The following SENP6 variants were observed in gnomAD, a reference collection of about 807,000 sequenced individuals.
SENP6 encodes the protein sentrin-specific protease 6.
A neutral mutation model predicts 134.5 loss-of-function variants in SENP6; 41 were observed. The ratio of observed to expected loss-of-function variants is 0.30; its 90% CI spans 0.24 to 0.40. The LOEUF (loss-of-function observed/expected upper bound fraction) is 0.40. SENP6 is among the 10% of genes least tolerant of loss of function. The pLI is 1.00. For missense variants in SENP6, 1,248 were observed against 1,312.5 expected (o/e 0.95, Z 0.76); for synonymous variants, 395 against 429.8 (o/e 0.92, Z 1.00).
chr6:75,687,237 T>C (rs1407200658), intron 16 of SENP6, among the ~76,000 whole-genome samples: 1 of 152,250 alleles, frequency 6.6e-6, no homozygotes, highest in African/African-American at 2.4e-5. Context: ...GCAATGGTTA[T>C]CAGCTCCATC....
At chr6:75,638,604 ATATATATATATATATATATTTTTTTT>A (rs1201040557) in intron 5 of SENP6, among the ~76,000 whole-genome samples, 7 of 42,822 alleles carry the variant, frequency 1.6e-4, no homozygotes, top group African/African-American at 4.8e-4. Flanking sequence ...ATATATATAT[ATATATATATATATATATATTTTTTTT>A]TTTTTTTTTT....
Position 75,670,699 on chromosome 6 carries a change from G to A in SENP6, c.1371G>A (p.Arg457=). 1 of 1,609,476 alleles carries A rather than the reference G, an allele frequency of 6.2e-7. No individual in the cohort carries two copies. Among genetic ancestry groups the A allele is most frequent in the South Asian group, 1.1e-5 (1 of 90,488 alleles). ...CRSIRVGTLF[R]LLIEPVIFCL... is the part of the protein sequence containing the mutation. ...GTATACGAGTAGGAACACTCTTCCG[G>A]CTGTTAATAGAGCCTGTAATTGTAA... is the stretch of plus-strand genomic sequence containing the variant. Residue 457 remains arginine, a synonymous_variant, in exon 11 of 24, where the codon CGG becomes CGA. Transcript: ENST00000447266.
At chr6:75,688,314 C>A (rs1773993843) in intron 16 of SENP6, among the ~76,000 whole-genome samples, 2 of 152,178 alleles carry the variant, frequency 1.3e-5, no homozygotes, top group Admixed American at 1.3e-4. Context: ...CTTCCCTTGG[C>A]TAGGAAAGGG....
At chr6:75,663,822 G>GT (rs1491463005) in intron 9 of SENP6, among the ~76,000 whole-genome samples, 13 of 25,440 alleles carry the variant, frequency 5.1e-4, no homozygotes, top group East Asian at 7.2e-3. Flanking sequence ...TTTTTTTTGT[G>GT]GGGGGGGGGG....
intron 21 of SENP6, among the ~76,000 whole-genome samples, chr6:75,712,250 T>G (rs901120487): frequency 1.3e-5 from 2 of 152,226 alleles, no homozygotes; most frequent in African/African-American, 2.4e-5. Context: ...TAATCTCCTT[T>G]GACTTTTTTT....
intron 19 of SENP6, among the ~76,000 whole-genome samples, chr6:75,708,663 G>A (rs1775565734): frequency 6.6e-6 from 1 of 152,160 alleles, no homozygotes; most frequent in African/African-American, 2.4e-5. Context: ...GGGAGGCCGA[G>A]GCAGGTGGAT....
intron 3 of SENP6, among the ~76,000 whole-genome samples, chr6:75,624,170 T>C (rs1290373940): frequency 2.0e-5 from 3 of 152,154 alleles, no homozygotes; most frequent in African/African-American, 4.8e-5. Context: ...TGTTACACAA[T>C]TGGTAATATA....
intron 5 of SENP6, among the ~76,000 whole-genome samples, chr6:75,640,158 G>A (rs1769914389): frequency 6.6e-6 from 1 of 152,206 alleles, no homozygotes; most frequent in South Asian, 2.1e-4. Flanking sequence ...CTTCTGCTAT[G>A]TAGCAACACT....
At chr6:75,620,924 G>A (rs1768219844) in intron 1 of SENP6, among the ~76,000 whole-genome samples, 1 of 152,094 alleles carries the variant, frequency 6.6e-6, no homozygotes, top group South Asian at 2.1e-4. Flanking sequence ...GCCATCTTTG[G>A]AATTTCATTT....
intron 3 of SENP6, among the ~76,000 whole-genome samples, chr6:75,626,143 G>GTTT (rs386407596): frequency 1.3e-5 from 2 of 151,422 alleles, no homozygotes; most frequent in East Asian, 1.9e-4. Flanking sequence ...TGTTGTTGTT[G>GTTT]TTTTTTAATT....
At chr6:75,641,300 G>T (rs1770009580) in intron 6 of SENP6, among the ~76,000 whole-genome samples, 1 of 152,114 alleles carries the variant, frequency 6.6e-6, no homozygotes, top group Non-Finnish European at 1.5e-5. Context: ...TTTTAAAATA[G>T]AATATTTCAG....
In SENP6 at chr6:75,659,141, TAAGAG is replaced by T. The variant is rs374587986; in HGVS notation, c.551-115_551-111del. The T allele has an allele frequency of 3.5e-3, 2,528 of 713,626 alleles. 48 individuals are homozygous for T. In the African/African-American group the frequency reaches 0.039, roughly 11 times the overall value. 44.2% of individuals were successfully genotyped at this position (713,626 alleles called of 1,614,324 possible). A position where few individuals can be genotyped will look rare whatever the true frequency, so the allele number is the denominator to read the frequency against. On this transcript the variant is annotated intron_variant, in intron 7 of 23. Transcript: ENST00000447266. Reference sequence around the variant, plus strand: ...ATCCTGCTGAGGAGTGAAAAATAAATAAGAGAAGAGTAATCCAGGATATAATTATT... The same window carrying T: ...ATCCTGCTGAGGAGTGAAAAATAAATAAGAGTAATCCAGGATATAATTATT...
At chr6:75,671,860 A>G (rs1397898401) in intron 11 of SENP6, among the ~76,000 whole-genome samples, 2 of 152,214 alleles carry the variant, frequency 1.3e-5, no homozygotes, top group African/African-American at 4.8e-5. Flanking sequence ...AAAAGAAAAA[A>G]AATTGTTTAT....
rs987004680 is a variant in SENP6, at chr6:75,703,022, A to T, written c.2666A>T (p.Lys889Ile). ...STSQKVADRT[K>I]SENGLQNESL... is the part of the protein sequence containing the mutation. ...TCCCAGAAAGTTGCTGATAGGACTA[A>T]AAGTGAGAATGGCCTACAGAATGAA... The change falls in exon 19 of 24, where the codon AAA becomes ATA. Residue 889 changes from lysine to isoleucine, a missense_variant. By Grantham distance (102) the Lys-to-Ile change is moderately radical. This residue lies in a region of SENP6 where 386 missense variants were observed against 395.0 expected (regional missense o/e 0.98). Coordinates refer to ENST00000447266, the MANE Select transcript of SENP6 (RefSeq NM_015571.4). The T allele has an allele frequency of 2.5e-6, 4 of 1,613,540 alleles. No individual in the cohort carries two copies. Among genetic ancestry groups the T allele is most frequent in the Non-Finnish European group, 3.4e-6 (4 of 1,179,818 alleles).
chr6:75,602,608 G>A, intron 1 of SENP6, 32 bp downstream of exon 1: 1 of 1,546,720 alleles, frequency 6.5e-7, no homozygotes, highest in Non-Finnish European at 8.8e-7. Flanking sequence ...ACGGGGAGAA[G>A]GGAGGGTATA....
intron 9 of SENP6, 47 bp downstream of exon 9, chr6:75,663,565 T>C: frequency 7.0e-7 from 1 of 1,434,234 alleles, no homozygotes; most frequent in Non-Finnish European, 9.5e-7. Flanking sequence ...ATCCAGTATT[T>C]TTCAGATATA....
intron 16 of SENP6, among the ~76,000 whole-genome samples, chr6:75,689,365 A>G (rs1774075538): frequency 6.6e-6 from 1 of 152,230 alleles, no homozygotes; most frequent in South Asian, 2.1e-4. Context: ...CAGCATCAAA[A>G]CAATATAACA....
chr6:75,664,831 G>C (rs1317085510), intron 9 of SENP6, among the ~76,000 whole-genome samples: 1 of 152,166 alleles, frequency 6.6e-6, no homozygotes, highest in Non-Finnish European at 1.5e-5. Flanking sequence ...GGCTGTTTCA[G>C]GCCTGGGGAT....
At chr6:75,653,658 G>A (rs901683692) in intron 7 of SENP6, among the ~76,000 whole-genome samples, 2 of 105,088 alleles carry the variant, frequency 1.9e-5, no homozygotes, top group African/African-American at 6.3e-5. Flanking sequence ...TTGGAATGTT[G>A]TGTTTTTTTT....
Sources: gnomAD v4.1 joint callset for allele counts (sites outside exome capture counted in the v4.1 genomes callset) on GRCh38, gnomAD v4.1.1 for gene constraint, gnomAD v4.1.1 regional missense constraint, MANE v1.5 for transcripts, NCBI Gene and HGNC (gene_info 2026-07-23, HGNC 2026-07-21) for gene names.